GNPTAB: variants seen among roughly 807,000 people sequenced by gnomAD.
GNPTAB encodes N-acetylglucosamine-1-phosphotransferase subunits alpha/beta.
A neutral mutation model predicts 136.6 loss-of-function variants in GNPTAB; 92 were observed. The observed-to-expected ratio is 0.67, with a 90% confidence interval of 0.57 to 0.80. The LOEUF (loss-of-function observed/expected upper bound fraction) is 0.80. GNPTAB is among the 30% of genes least tolerant of loss of function. The probability of loss-of-function intolerance (pLI) is 0.00; values close to 1 mark genes in which losing one functional copy is unlikely to be tolerated. For missense variants in GNPTAB, 1,343 were observed against 1,501.8 expected (o/e 0.89, Z 1.75); for synonymous variants, 512 against 535.1 (o/e 0.96, Z 0.60).
At position 101,788,605 on chromosome 12, in the gene GNPTAB, TAC is replaced by T. The variant is rs765363852; in HGVS notation, c.324-18_324-17del. 76 of 1,344,150 alleles carry T rather than the reference TAC, an allele frequency of 5.7e-5. No homozygotes were observed. The African/African-American group carries it at 9.5e-4, about 17-fold the overall frequency. The allele number at this position is 1,344,150 out of a possible 1,614,324, so 83.3% of individuals were successfully genotyped here. On this transcript the variant is annotated splice_polypyrimidine_tract_variant and intron_variant, in intron 3 of 20. Coordinates refer to ENST00000299314, the MANE Select transcript of GNPTAB (RefSeq NM_024312.5). ...AAGGATTTCTCTAATAAAAAGCAAA[TAC>T]AGTTTATTACATACATATGGGCTAC...
At chr12:101,753,078 C>G (rs939460199) in intron 19 of GNPTAB, among the ~76,000 whole-genome samples, 14 of 151,938 alleles carry the variant, frequency 9.2e-5, no homozygotes, top group African/African-American at 3.4e-4. Context: ...CATGGTGAAA[C>G]TCTGTTTCTA....
chr12:101,772,339 C>A (rs1245911905), intron 7 of GNPTAB, among the ~76,000 whole-genome samples: 2 of 152,226 alleles, frequency 1.3e-5, no homozygotes, highest in Non-Finnish European at 2.9e-5. Context: ...TTATTATGAG[C>A]TTATTCTGAG....
chr12:101,762,509 G>A (rs995600886), intron 13 of GNPTAB, among the ~76,000 whole-genome samples: 2 of 152,080 alleles, frequency 1.3e-5, no homozygotes, highest in Non-Finnish European at 2.9e-5. Flanking sequence ...TGAAATGTAA[G>A]ATATATGTAC....
In GNPTAB at chr12:101,746,962, G is replaced by T; in HGVS notation, c.*202C>A. The T allele has an allele frequency of 1.7e-6, 1 of 581,928 alleles. No individual in the cohort carries two copies. Among genetic ancestry groups the T allele is most frequent in the Non-Finnish European group, 3.1e-6 (1 of 322,378 alleles). 36.0% of individuals were successfully genotyped at this position (581,928 alleles called of 1,614,324 possible). A position where few individuals can be genotyped will look rare whatever the true frequency, so the allele number is the denominator to read the frequency against. Reference sequence around the variant, plus strand: ...TTAAAAGTAAAATCAGTTCAGAGCTGCTCAACACACAAGTTTTCAGTGGGT... The same window carrying T: ...TTAAAAGTAAAATCAGTTCAGAGCTTCTCAACACACAAGTTTTCAGTGGGT... On this transcript the variant is annotated 3_prime_UTR_variant, in exon 21 of 21. Coordinates refer to ENST00000299314, the MANE Select transcript of GNPTAB (RefSeq NM_024312.5).
At chr12:101,818,031 T>C (rs1209965388) in intron 1 of GNPTAB, among the ~76,000 whole-genome samples, 1 of 152,218 alleles carries the variant, frequency 6.6e-6, no homozygotes, top group Non-Finnish European at 1.5e-5. Context: ...AGCAGGCAAG[T>C]CCTAAACTGG....
Position 101,757,302 on chromosome 12 carries a change from AT to A in GNPTAB, c.3343del (p.Ile1115SerfsTer11). On this transcript the variant is annotated frameshift_variant, in exon 18 of 21. Coordinates refer to ENST00000299314, the MANE Select transcript of GNPTAB (RefSeq NM_024312.5). LOFTEE classifies it high-confidence loss of function. ...YKDKNKYRFE[I>X]MGEEEIAFKM... ...AAAAGCGATTTCTTCTTCTCCCATG[AT>A]TTCAAACCTAATTATCAAAACATAT... The A allele has an allele frequency of 6.4e-7, 1 of 1,574,356 alleles. No individual in the cohort carries two copies.
intron 19 of GNPTAB, among the ~76,000 whole-genome samples, chr12:101,752,743 C>T (rs922722076): frequency 2.3e-4 from 35 of 152,134 alleles, no homozygotes; most frequent in Admixed American, 3.3e-4. Context: ...CAGCACATAC[C>T]GACCTCATGT....
At chr12:101,773,437 G>A in intron 7 of GNPTAB, 1 of 215,016 alleles carries the variant, frequency 4.7e-6, no homozygotes. Flanking sequence ...GAAGGCAGTG[G>A]GCGAAGCTGA....
intron 2 of GNPTAB, among the ~76,000 whole-genome samples, chr12:101,791,113 T>C (rs1398876676): frequency 6.6e-6 from 1 of 152,204 alleles, no homozygotes; most frequent in African/African-American, 2.4e-5. Context: ...TTCCTGAACT[T>C]GCACCATTTC....
At chr12:101,769,914 A>G in intron 10 of GNPTAB, 107 bp downstream of exon 10, 1 of 1,117,106 alleles carries the variant, frequency 9.0e-7, no homozygotes, top group Admixed American at 1.7e-5. Flanking sequence ...TACAGGTGTG[A>G]GCCACCATGT....
intron 17 of GNPTAB, 47 bp downstream of exon 17, chr12:101,757,525 G>C: frequency 1.0e-6 from 1 of 969,924 alleles, no homozygotes; most frequent in Non-Finnish European, 1.7e-6. Context: ...CCAGACCTTT[G>C]TGATTACTCT....
At chr12:101,823,413 C>T (rs1031791734) in intron 1 of GNPTAB, among the ~76,000 whole-genome samples, 1 of 151,964 alleles carries the variant, frequency 6.6e-6, no homozygotes, top group African/African-American at 2.4e-5. Context: ...AGTTTGAGAC[C>T]AGCCTGGCTA....
chr12:101,773,377 C>A, intron 7 of GNPTAB: 1 of 300,334 alleles, frequency 3.3e-6, no homozygotes, highest in Admixed American at 3.6e-5. Context: ...CCTGCTTATA[C>A]ATTTTCACGA....
intron 19 of GNPTAB, among the ~76,000 whole-genome samples, chr12:101,751,462 G>C (rs528362644): frequency 6.6e-6 from 1 of 152,300 alleles, no homozygotes; most frequent in Admixed American, 6.5e-5. Flanking sequence ...ACCTGGCACA[G>C]AGAGGCAAGC....
Position 101,764,485 on chromosome 12 carries a change from T to C in GNPTAB, c.2432A>G (p.Glu811Gly). Residue 811 changes from glutamate (E) to glycine (G), a missense_variant, in exon 13 of 21, where the codon GAG (glutamate) becomes GGG (glycine). Coordinates refer to ENST00000299314, the MANE Select transcript of GNPTAB (RefSeq NM_024312.5). ...TTCCACTCTAAATCTTGCTGTGGTC[T>C]CCAAGTCCAGGGGTGGATTCTGACC... The part of the protein sequence containing the change: ...DQGQNPPLDL[E>G]TTARFRVETH... 1 of 1,613,808 alleles carries C rather than the reference T, an allele frequency of 6.2e-7. No individual in the cohort carries two copies. Among genetic ancestry groups the C allele is most frequent in the South Asian group, 1.1e-5 (1 of 91,006 alleles).
chr12:101,799,715 TAC>T (rs1869497958), intron 1 of GNPTAB, among the ~76,000 whole-genome samples: 1 of 116,380 alleles, frequency 8.6e-6, no homozygotes, highest in African/African-American at 3.9e-5. Flanking sequence ...AGTCAGGAAG[TAC>T]CTTGCCAGTA....
At position 101,764,314 on chromosome 12, in the gene GNPTAB, T is replaced by A. The variant is rs920564230; in HGVS notation, c.2603A>T (p.Asn868Ile). 2 of 1,613,910 alleles carry A rather than the reference T, an allele frequency of 1.2e-6. No homozygotes were observed. The highest frequency in any genetic ancestry group is 1.7e-6 in the Non-Finnish European group (2 of 1,180,006). Reference sequence around the variant, plus strand: ...TAACACTTCAGTAACGCCTATGTGATTTTCAGCATTTTCCTCCATTCTACT... The same window carrying A: ...TAACACTTCAGTAACGCCTATGTGAATTTCAGCATTTTCCTCCATTCTACT... ...ENSRMEENAE[N>I]HIGVTEVLLG... The change falls in exon 13 of 21, where the codon AAT (asparagine) becomes ATT (isoleucine). Residue 868 changes from asparagine to isoleucine, a missense_variant. By Grantham distance (149) the Asn-to-Ile change is moderately radical. Transcript: ENST00000299314.
intron 19 of GNPTAB, among the ~76,000 whole-genome samples, chr12:101,749,544 T>C (rs1952785950): frequency 6.6e-6 from 1 of 152,236 alleles, no homozygotes; most frequent in Non-Finnish European, 1.5e-5. Flanking sequence ...TATGGAGAGA[T>C]GAACAAGATG....
chr12:101,808,197 T>C (rs796301040), intron 1 of GNPTAB, among the ~76,000 whole-genome samples: 67 of 152,246 alleles, frequency 4.4e-4, no homozygotes, highest in African/African-American at 1.6e-3. Flanking sequence ...CCCAACTTCA[T>C]CTACAGATTC....
Sources: gnomAD v4.1 joint callset for allele counts (sites outside exome capture counted in the v4.1 genomes callset) on GRCh38, gnomAD v4.1.1 for gene constraint, MANE v1.5 for transcripts, NCBI Gene and HGNC (gene_info 2026-07-23, HGNC 2026-07-21) for gene names.